RNF180: variants seen among roughly 807,000 people sequenced by gnomAD.
RNF180 encodes the protein E3 ubiquitin-protein ligase RNF180.
Under a neutral mutation model 59.2 loss-of-function variants are expected in RNF180, and 38 were observed. The ratio of observed to expected loss-of-function variants is 0.64; its 90% CI spans 0.50 to 0.84. The LOEUF (loss-of-function observed/expected upper bound fraction) is 0.84. Ranked by LOEUF, RNF180 falls within the 40% of genes least tolerant of loss-of-function variation. The pLI is 0.00. For synonymous variants in RNF180, 262 were observed against 240.3 expected, an observed-to-expected ratio of 1.09 and a Z score of -0.84; for missense variants, 705 against 700.9, an observed-to-expected ratio of 1.01 and a Z score of -0.07.
intron 5 of RNF180, among the ~76,000 whole-genome samples, chr5:64,298,365 T>C (rs1181931342): frequency 6.6e-6 from 1 of 152,050 alleles, no homozygotes; most frequent in Non-Finnish European, 1.5e-5. Flanking sequence ...AGGGTTTTTA[T>C]AGTTTTTGTG....
chr5:64,361,650 G>T (rs1746256851), intron 7 of RNF180, among the ~76,000 whole-genome samples: 1 of 151,400 alleles, frequency 6.6e-6, no homozygotes, highest in African/African-American at 2.4e-5. Flanking sequence ...TAGTTAAAAT[G>T]AACTAAGAAT....
rs541135981 is a variant in RNF180, at chr5:64,273,948, C to T, written c.1228-51238C>T. Among the ~76,000 whole-genome samples the T allele has an allele frequency of 2.6e-5, 4 of 152,064 alleles. No individual in the cohort carries two copies. The South Asian group carries it at 8.3e-4, about 32-fold the overall frequency. On this transcript the variant is annotated intron_variant, in intron 5 of 7. Transcript: ENST00000389100. Reference sequence around the variant, plus strand: ...ATTGGAATTGTTCCCACAGATTTGACACTAGAGTTGAGAACTGCCAATCTA... The same window carrying T: ...ATTGGAATTGTTCCCACAGATTTGATACTAGAGTTGAGAACTGCCAATCTA...
In RNF180 at chr5:64,326,279, A is replaced by G. The variant is rs569384795; in HGVS notation, c.1453+868A>G. ...TCTGGTAAAAAAAAAATTATACTCAATTATGAGTACCAAATATTGTACTAC... is the reference window on the plus strand; with the variant it reads ...TCTGGTAAAAAAAAAATTATACTCAGTTATGAGTACCAAATATTGTACTAC... On this transcript the variant is annotated intron_variant, in intron 6 of 7. Coordinates refer to ENST00000389100, the MANE Select transcript of RNF180 (RefSeq NM_001113561.2). 1.1e-3 allele frequency among the ~76,000 whole-genome samples: 161 copies of G among 152,288 alleles called. 1 individual carries two copies. Among genetic ancestry groups the G allele is most frequent in the Non-Finnish European group, 6.3e-4 (43 of 68,000 alleles).
chr5:64,224,230 C>T (rs1741533301), intron 5 of RNF180, among the ~76,000 whole-genome samples: 1 of 152,066 alleles, frequency 6.6e-6, no homozygotes. Context: ...GATTTATTAA[C>T]AGCAGCAAAG....
intron 5 of RNF180, among the ~76,000 whole-genome samples, chr5:64,303,613 T>TATCA (rs1743277155): frequency 6.6e-6 from 1 of 151,676 alleles, no homozygotes; most frequent in Non-Finnish European, 1.5e-5. Flanking sequence ...AGCAAGTTCC[T>TATCA]ATCATTAATT....
chr5:64,175,317 G>A (rs777855733), intron 1 of RNF180, among the ~76,000 whole-genome samples: 2 of 152,084 alleles, frequency 1.3e-5, no homozygotes, highest in Non-Finnish European at 2.9e-5. Context: ...GAAGACGGGG[G>A]TTTAGTTCGT....
At chr5:64,179,361 C>T (rs1300933242) in intron 1 of RNF180, among the ~76,000 whole-genome samples, 3 of 152,034 alleles carry the variant, frequency 2.0e-5, no homozygotes, top group South Asian at 2.1e-4. Context: ...ATTTAAGCCC[C>T]CTTTGGTTTC....
intron 1 of RNF180, among the ~76,000 whole-genome samples, chr5:64,191,936 A>C (rs186975899): frequency 3.3e-4 from 50 of 152,284 alleles, no homozygotes; most frequent in Admixed American, 3.0e-3. Flanking sequence ...TTACTGTTTA[A>C]GTGTTTAATT....
chr5:64,215,144 C>T (rs1056304219), intron 4 of RNF180, among the ~76,000 whole-genome samples: 1 of 151,888 alleles, frequency 6.6e-6, no homozygotes, highest in African/African-American at 2.4e-5. Context: ...GTAGGATGTG[C>T]GAAGGAACTG....
At chr5:64,240,460 A>T (rs999491632) in intron 5 of RNF180, among the ~76,000 whole-genome samples, 5 of 152,222 alleles carry the variant, frequency 3.3e-5, no homozygotes, top group African/African-American at 1.2e-4. Context: ...CAGATTCCTT[A>T]AAATCATTAC....
At chr5:64,326,921 A>G (rs561997009) in intron 6 of RNF180, among the ~76,000 whole-genome samples, 43 of 152,262 alleles carry the variant, frequency 2.8e-4, no homozygotes, top group Non-Finnish European at 5.6e-4. Flanking sequence ...TCGGCAGTGA[A>G]GGCCTCCACA....
chr5:64,335,963 ATATC>A (rs1745108788), intron 7 of RNF180, among the ~76,000 whole-genome samples: 1 of 152,178 alleles, frequency 6.6e-6, no homozygotes, highest in African/African-American at 2.4e-5. Flanking sequence ...GTTTTTATAA[ATATC>A]TCGCACATCT....
At chr5:64,293,909 C>T (rs1333202568) in intron 5 of RNF180, among the ~76,000 whole-genome samples, 1 of 152,114 alleles carries the variant, frequency 6.6e-6, no homozygotes, top group Non-Finnish European at 1.5e-5. Context: ...AACAATCATG[C>T]AGTACATCCT....
intron 5 of RNF180, among the ~76,000 whole-genome samples, chr5:64,238,592 T>G (rs1742591646): frequency 6.6e-6 from 1 of 152,234 alleles, no homozygotes; most frequent in South Asian, 2.1e-4. Context: ...TGTTCATTAG[T>G]GACATTCAAA....
At chr5:64,196,538 T>C (rs1751466986) in intron 1 of RNF180, among the ~76,000 whole-genome samples, 1 of 152,146 alleles carries the variant, frequency 6.6e-6, no homozygotes, top group South Asian at 2.1e-4. Flanking sequence ...TATTTCGGTA[T>C]ATTGAATAGT....
rs536157465 is a variant in RNF180, at chr5:64,194,728, T to C, written c.1-6080T>C. On this transcript the variant is annotated intron_variant, in intron 1 of 7. Transcript: ENST00000389100. The stretch of plus-strand genomic sequence containing the variant: ...GGTGTGAGATGGTATCTCGTTGTTT[T>C]GATTTGCATTTCTCTGTTGGCCAGT... 5.0e-4 allele frequency among the ~76,000 whole-genome samples: 76 copies of C among 152,350 alleles called. No individual in the cohort carries two copies. The South Asian group carries it at 0.015, about 30-fold the overall frequency.
intron 2 of RNF180, 71 bp from the exon 3 acceptor site, chr5:64,211,994 A>T: frequency 1.1e-6 from 1 of 872,024 alleles, no homozygotes; most frequent in Non-Finnish European, 1.8e-6. Context: ...TTTGAGTTTT[A>T]CTTAAATATG....
intron 5 of RNF180, among the ~76,000 whole-genome samples, chr5:64,252,003 CAGAGTGTTCTAT>C (rs1319161993): frequency 3.9e-5 from 6 of 152,100 alleles, no homozygotes; most frequent in African/African-American, 1.4e-4. Context: ...CCATGCTATA[CAGAGTGTTCTAT>C]AGATTTCACA....
At chr5:64,324,412 C>T (rs1744525342) in intron 5 of RNF180, among the ~76,000 whole-genome samples, 1 of 152,140 alleles carries the variant, frequency 6.6e-6, no homozygotes, top group Admixed American at 6.5e-5. Context: ...CAGAGAAAAC[C>T]CCCACAAACG....
Sources: allele counts gnomAD v4.1 joint callset (sites outside exome capture counted in the v4.1 genomes callset), GRCh38; gene constraint gnomAD v4.1.1; transcripts MANE v1.5; gene names NCBI Gene and HGNC (gene_info 2026-07-23, HGNC 2026-07-21).